SEMA3D: variants seen among roughly 807,000 people sequenced by gnomAD.
SEMA3D encodes semaphorin-3D.
Under a neutral mutation model 100.1 loss-of-function variants are expected in SEMA3D, and 84 were observed. The observed-to-expected ratio is 0.84, with a 90% CI of 0.70 to 1.01. SEMA3D has a LOEUF of 1.01. Among genes scored for constraint, SEMA3D ranks in the 50% least tolerant of loss-of-function variants. The probability of loss-of-function intolerance (pLI) is 0.00; values close to 1 mark genes in which losing one functional copy is unlikely to be tolerated. For missense variants in SEMA3D, 875 were observed against 934.1 expected, an observed-to-expected ratio of 0.94 and a Z score of 0.82; for synonymous variants, 312 against 320.7, an observed-to-expected ratio of 0.97 and a Z score of 0.29.
At chr7:85,239,580 A>G in the SEMA3D span, among the ~76,000 whole-genome samples, 1 of 152,184 alleles carries the variant, frequency 6.6e-6, no homozygotes, top group Admixed American at 6.5e-5. Context: ...CGACATTTCT[A>G]TGAGCTCCTA....
In SEMA3D at chr7:85,015,223, A is replaced by C. The variant is rs1443189573; in HGVS notation, c.1546-7T>G. On this transcript the variant is annotated splice_region_variant and splice_polypyrimidine_tract_variant and intron_variant, in intron 15 of 18. Coordinates refer to ENST00000284136, the MANE Select transcript of SEMA3D (RefSeq NM_001384900.1). ...AACCAATGTACAATTGTTGCTGCAAATCGGGCAAAACAAATGAATTAGAAG... is the reference window on the plus strand; with the variant it reads ...AACCAATGTACAATTGTTGCTGCAACTCGGGCAAAACAAATGAATTAGAAG... The C allele has an allele frequency of 1.2e-6, 2 of 1,603,562 alleles. No individual in the cohort carries two copies. Among genetic ancestry groups the C allele is most frequent in the Non-Finnish European group, 1.7e-6 (2 of 1,171,994 alleles).
Position 84,999,203 on chromosome 7 carries a change from C to A in SEMA3D, c.*237G>T. ...CATAAAACATTTACAACTGTAAACC[C>A]CCTATTTTTAGGATAATTCTTATAC... On this transcript the variant is annotated 3_prime_UTR_variant, in exon 19 of 19. Transcript: ENST00000284136. 2.0e-6 allele frequency: 1 copy of A among 506,528 alleles called. No individual in the cohort carries two copies. Among genetic ancestry groups the A allele is most frequent in the Non-Finnish European group, 3.5e-6 (1 of 286,848 alleles). The allele number at this position is 506,528 out of a possible 1,614,324, so 31.4% of individuals were successfully genotyped here. A position where few individuals can be genotyped will look rare whatever the true frequency, so the allele number is the denominator to read the frequency against.
chr7:85,247,227 A>T, the SEMA3D span, among the ~76,000 whole-genome samples: 2 of 152,086 alleles, frequency 1.3e-5, no homozygotes, highest in African/African-American at 4.8e-5. Flanking sequence ...GGTAAGTCTC[A>T]CATTCACCTA....
chr7:85,042,728 A>C (rs548732503), intron 9 of SEMA3D, among the ~76,000 whole-genome samples: 1 of 152,252 alleles, frequency 6.6e-6, no homozygotes, highest in Non-Finnish European at 1.5e-5. Flanking sequence ...GCTGGAGCGC[A>C]GTAATTATTC....
At chr7:85,153,126 C>T (rs1790477276) in intron 2 of SEMA3D, among the ~76,000 whole-genome samples, 1 of 152,046 alleles carries the variant, frequency 6.6e-6, no homozygotes, top group African/African-American at 2.4e-5. Context: ...CTGCAGAGCC[C>T]TACTATACAA....
chr7:85,055,093 T>C (rs1283172627), intron 9 of SEMA3D, among the ~76,000 whole-genome samples: 1 of 152,076 alleles, frequency 6.6e-6, no homozygotes, highest in African/African-American at 2.4e-5. Context: ...CCTCATTTTC[T>C]CTCAGAACCT....
chr7:85,169,427 C>G lies in SEMA3D; in HGVS notation c.-172-15688G>C, dbSNP rs77794865. Among the ~76,000 whole-genome samples the G allele has an allele frequency of 0.011, 1,610 of 151,870 alleles. 114 individuals carry two copies. In the East Asian group the frequency reaches 0.2, roughly 19 times the overall value. On this transcript the variant is annotated intron_variant, in intron 1 of 18. Transcript: ENST00000284136. ...CATAGTATATTTTGCTCCTGACATT[C>G]TTTTGAATGAAGATAACCTAAAGCG...
In SEMA3D at chr7:85,081,512, C is replaced by T; in HGVS notation, c.375+5G>A. On this transcript the variant is annotated splice_donor_5th_base_variant and intron_variant, in intron 5 of 18. Transcript: ENST00000284136. The stretch of plus-strand genomic sequence containing the variant: ...CAAAGATAATTGTTACAGTTTCATA[C>T]TTACATTGGCATCTTTCCCAGCTAA... 1.3e-6 allele frequency: 2 copies of T among 1,591,226 alleles called. No individual in the cohort carries two copies. Among genetic ancestry groups the T allele is most frequent in the Non-Finnish European group, 1.7e-6 (2 of 1,159,442 alleles).
intron 18 of SEMA3D, among the ~76,000 whole-genome samples, chr7:85,001,694 C>T (rs530891964): frequency 1.3e-5 from 2 of 152,218 alleles, no homozygotes; most frequent in East Asian, 1.9e-4. Context: ...AAGTTGGTGG[C>T]ACAGCATATG....
At chr7:85,212,664 A>C in the SEMA3D span, among the ~76,000 whole-genome samples, 5 of 152,032 alleles carry the variant, frequency 3.3e-5, no homozygotes, top group Non-Finnish European at 7.4e-5. Context: ...AAATAAATTA[A>C]GCTTTGTTTA....
chr7:85,040,704 G>T lies in SEMA3D; in HGVS notation c.1015C>A (p.Pro339Thr), dbSNP rs759529991. The change falls in exon 11 of 19, where the codon CCT becomes ACT. Residue 339 changes from proline (P) to threonine (T), a missense_variant. By Grantham distance (38) the Pro-to-Thr change is conservative. Coordinates refer to ENST00000284136, the MANE Select transcript of SEMA3D (RefSeq NM_001384900.1). ...YLLPTRDERN[P>T]VVYGVFTTTS... ...GTAGTAAAGACTCCATATACTACAG[G>T]ATTTCTTTCATCTCTTGTGGGGAGT... The T allele has an allele frequency of 1.4e-6, 2 of 1,477,904 alleles. No homozygotes were observed. The highest frequency in any genetic ancestry group is 1.9e-6 in the Non-Finnish European group (2 of 1,058,776). 91.5% of individuals were successfully genotyped at this position (1,477,904 alleles called of 1,614,324 possible).
chr7:85,084,427 A>T (rs12176601), intron 4 of SEMA3D, among the ~76,000 whole-genome samples: 40,600 of 152,018 alleles, frequency 0.27, 5,551 homozygotes, highest in East Asian at 0.38. Context: ...TTCTTCAATA[A>T]TACAGTGATT....
intron 12 of SEMA3D, chr7:85,029,288 G>T: frequency 1.0e-6 from 1 of 959,360 alleles, no homozygotes; most frequent in Non-Finnish European, 1.7e-6. Context: ...GGCCATTTGA[G>T]CAAGGAAGAC....
At chr7:85,128,444 C>G (rs1322692208) in intron 2 of SEMA3D, among the ~76,000 whole-genome samples, 1 of 152,090 alleles carries the variant, frequency 6.6e-6, no homozygotes, top group Admixed American at 6.6e-5. Flanking sequence ...GTTGGGATTA[C>G]AGGCATCAGC....
chr7:84,999,622 G>C lies in SEMA3D; in HGVS notation c.2152C>G (p.Gln718Glu). 1 of 1,614,058 alleles carries C rather than the reference G, an allele frequency of 6.2e-7. No individual in the cohort carries two copies. The highest frequency in any genetic ancestry group is 8.5e-7 in the Non-Finnish European group (1 of 1,180,006). Residue 718 changes from glutamine to glutamate, a missense_variant, in exon 19 of 19, where the codon CAA becomes GAA. Gln to Glu is a conservative substitution (Grantham distance 29). Coordinates refer to ENST00000284136, the MANE Select transcript of SEMA3D (RefSeq NM_001384900.1). ...CTGAAGTTTGGGCTGCTAAGGATTT[G>C]GATGTAGTCTTTGTATCTCAACCGT... is the stretch of plus-strand genomic sequence containing the variant. ...ESRLRYKDYIQILSSPNFSLD... is the reference protein window; with the variant it reads ...ESRLRYKDYIEILSSPNFSLD...
intron 17 of SEMA3D, among the ~76,000 whole-genome samples, chr7:85,011,359 A>G (rs779098060): frequency 6.6e-6 from 1 of 151,822 alleles, no homozygotes; most frequent in Non-Finnish European, 1.5e-5. Flanking sequence ...ACTGATGATG[A>G]TGATTATTAG....
At chr7:85,189,199 C>T (rs115667492), upstream of SEMA3D, among the ~76,000 whole-genome samples, 2 of 152,012 alleles carry the variant, frequency 1.3e-5, no homozygotes, top group East Asian at 1.9e-4. Context: ...TCCATGGCTC[C>T]GTAATCTTCA....
chr7:85,060,348 T>C (rs1791437974), intron 8 of SEMA3D, among the ~76,000 whole-genome samples: 1 of 152,210 alleles, frequency 6.6e-6, no homozygotes, highest in Non-Finnish European at 1.5e-5. Context: ...GCAGATTCTG[T>C]TGAGGTCCGG....
At chr7:85,088,015 A>G (rs914039411) in intron 4 of SEMA3D, among the ~76,000 whole-genome samples, 1 of 152,126 alleles carries the variant, frequency 6.6e-6, no homozygotes, top group African/African-American at 2.4e-5. Flanking sequence ...TATAGTGTAA[A>G]CTGTCTGAAT....
Sources: gnomAD v4.1 joint callset for allele counts (sites outside exome capture counted in the v4.1 genomes callset) on GRCh38, gnomAD v4.1.1 for gene constraint, MANE v1.5 for transcripts, NCBI Gene and HGNC (gene_info 2026-07-23, HGNC 2026-07-21) for gene names.